The following MORC1 variants were observed in gnomAD, a reference collection of about 807,000 sequenced individuals.
MORC1 encodes MORC family CW-type zinc finger protein 1.
In MORC1, 59 loss-of-function variants were observed where a neutral mutation model predicts 134.9. The ratio of observed to expected loss-of-function variants is 0.44; its 90% CI spans 0.35 to 0.54. The LOEUF (loss-of-function observed/expected upper bound fraction) is 0.54. MORC1 is among the 20% of genes least tolerant of loss of function. MORC1 has a pLI of 0.00. For synonymous variants in MORC1, 395 were observed against 391.7 expected (o/e 1.01, Z -0.10); for missense variants, 947 against 1,134.5 (o/e 0.83, Z 2.37).
intron 12 of MORC1, 88 bp from the exon 13 acceptor site, chr3:109,057,574 T>C: frequency 8.8e-6 from 11 of 1,257,106 alleles, no homozygotes; most frequent in Non-Finnish European, 1.2e-5. Context: ...ACTAGAAGGT[T>C]AACGTCAAAG....
intron 25 of MORC1, among the ~76,000 whole-genome samples, chr3:108,970,039 C>T (rs960356848): frequency 3.9e-5 from 6 of 151,972 alleles, no homozygotes; most frequent in African/African-American, 7.3e-5. Context: ...ATGTCGAGAG[C>T]GCAGCTGGAG....
chr3:109,096,339 T>G (rs137995051), intron 6 of MORC1, among the ~76,000 whole-genome samples: 2 of 152,034 alleles, frequency 1.3e-5, no homozygotes, highest in East Asian at 3.9e-4. Flanking sequence ...GGATAGGAGG[T>G]GGGCACAAGA....
intron 16 of MORC1, 41 bp downstream of exon 16, chr3:109,032,679 T>C (rs1949267738): frequency 1.5e-6 from 2 of 1,371,030 alleles, no homozygotes; most frequent in Admixed American, 2.1e-5. Flanking sequence ...ACTTTAGAAA[T>C]TAAAAATGAA....
rs1268208438 is a variant in MORC1, at chr3:108,996,276, G to A, written c.2187+4281C>T. Among the ~76,000 whole-genome samples, 264 of 76,940 alleles carry A rather than the reference G, an allele frequency of 3.4e-3. 1 individual carries two copies. The highest frequency in any genetic ancestry group is 8.5e-3 in the Middle Eastern group (1 of 118). 50.5% of individuals were successfully genotyped at this position (76,940 alleles called of 152,430 possible). A position where few individuals can be genotyped will look rare whatever the true frequency, so the allele number is the denominator to read the frequency against. ...TGCCTGTGCACATGTGCGCGTGCGT[G>A]CGCGCGCGCGCACACACACACACAC... On this transcript the variant is annotated intron_variant, in intron 21 of 27. Coordinates refer to ENST00000232603, the MANE Select transcript of MORC1 (RefSeq NM_014429.4).
intron 8 of MORC1, among the ~76,000 whole-genome samples, chr3:109,092,821 C>A (rs1203883818): frequency 6.6e-6 from 1 of 152,138 alleles, no homozygotes; most frequent in Non-Finnish European, 1.5e-5. Flanking sequence ...TCTCTTCTAG[C>A]TGTAGTATTC....
At chr3:108,996,512 A>T (rs1948233887) in intron 21 of MORC1, among the ~76,000 whole-genome samples, 1 of 152,226 alleles carries the variant, frequency 6.6e-6, no homozygotes, top group Non-Finnish European at 1.5e-5. Flanking sequence ...AAAAGGATTA[A>T]GATTTTGTAA....
intron 8 of MORC1, among the ~76,000 whole-genome samples, chr3:109,072,393 G>C (rs1372805143): frequency 6.6e-6 from 1 of 152,134 alleles, no homozygotes; most frequent in East Asian, 1.9e-4. Context: ...AGCCCCGAGA[G>C]AGATGAAGTG....
intron 9 of MORC1, among the ~76,000 whole-genome samples, chr3:109,067,848 A>G (rs903796022): frequency 3.9e-5 from 6 of 152,192 alleles, no homozygotes; most frequent in African/African-American, 1.4e-4. Flanking sequence ...GCAGAGATCT[A>G]TAATTTTTAG....
intron 24 of MORC1, among the ~76,000 whole-genome samples, chr3:108,977,096 G>A (rs1947584486): frequency 6.6e-6 from 1 of 152,184 alleles, no homozygotes. Context: ...GTCTCCTAGT[G>A]TGAAGAGAGG....
chr3:109,088,923 T>C (rs1950665599), intron 8 of MORC1, among the ~76,000 whole-genome samples: 1 of 152,098 alleles, frequency 6.6e-6, no homozygotes, highest in Admixed American at 6.6e-5. Flanking sequence ...GGAATATGGA[T>C]AGAGCTGGAG....
At chr3:108,990,528 G>A (rs890719636) in intron 21 of MORC1, among the ~76,000 whole-genome samples, 2 of 152,120 alleles carry the variant, frequency 1.3e-5, no homozygotes, top group Non-Finnish European at 2.9e-5. Flanking sequence ...ACCTAAAATT[G>A]CAACTCCTGT....
chr3:108,999,472 C>G (rs1035442964), intron 21 of MORC1, among the ~76,000 whole-genome samples: 13 of 152,116 alleles, frequency 8.5e-5, no homozygotes, highest in African/African-American at 3.1e-4. Context: ...TTAAATAAAA[C>G]TTTCATTATA....
chr3:108,993,462 C>T (rs1052432297), intron 21 of MORC1, among the ~76,000 whole-genome samples: 1 of 152,162 alleles, frequency 6.6e-6, no homozygotes, highest in African/African-American at 2.4e-5. Context: ...GATGATCTTT[C>T]CTTCAAAGCC....
chr3:109,059,536 C>T (rs901058613), intron 12 of MORC1, among the ~76,000 whole-genome samples: 3 of 152,188 alleles, frequency 2.0e-5, no homozygotes, highest in Admixed American at 6.5e-5. Context: ...TTTCATCTAG[C>T]CCAATTAAAT....
At chr3:109,088,523 C>A (rs1223732092) in intron 8 of MORC1, among the ~76,000 whole-genome samples, 1 of 152,036 alleles carries the variant, frequency 6.6e-6, no homozygotes, top group African/African-American at 2.4e-5. Flanking sequence ...TACCATCTCA[C>A]ACCAGTCAGA....
chr3:109,073,766 GAAATT>G (rs1234123909), intron 8 of MORC1, among the ~76,000 whole-genome samples: 4 of 152,102 alleles, frequency 2.6e-5, no homozygotes, highest in African/African-American at 9.7e-5. Flanking sequence ...TTTTGAAGTT[GAAATT>G]AACAGGGTTT....
intron 26 of MORC1, among the ~76,000 whole-genome samples, chr3:108,965,728 G>A (rs1947202236): frequency 6.6e-6 from 1 of 151,952 alleles, no homozygotes; most frequent in African/African-American, 2.4e-5. Flanking sequence ...ATTATGCACT[G>A]GGGAAACCGG....
intron 2 of MORC1, among the ~76,000 whole-genome samples, chr3:109,113,993 A>G (rs1576760391): frequency 1.3e-5 from 2 of 152,222 alleles, no homozygotes; most frequent in African/African-American, 4.8e-5. Context: ...TGTCTGATAT[A>G]TAGTAAGAGA....
At chr3:109,103,537 C>CA (rs1950968198) in intron 4 of MORC1, among the ~76,000 whole-genome samples, 1 of 152,198 alleles carries the variant, frequency 6.6e-6, no homozygotes, top group Non-Finnish European at 1.5e-5. Flanking sequence ...AAAACAATCT[C>CA]AGAGTCTATT....
Sources: gnomAD v4.1 joint callset for allele counts (sites outside exome capture counted in the v4.1 genomes callset) on GRCh38, gnomAD v4.1.1 for gene constraint, MANE v1.5 for transcripts, NCBI Gene and HGNC (gene_info 2026-07-23, HGNC 2026-07-21) for gene names.